The following SIPA1L2 variants were observed in gnomAD, a reference collection of about 807,000 sequenced individuals.
SIPA1L2 encodes the protein signal induced proliferation associated 1 like 2, also known as signal-induced proliferation-associated 1-like protein 2.
A neutral mutation model predicts 163.9 loss-of-function variants in SIPA1L2; 56 were observed. The observed-to-expected ratio is 0.34, with a 90% CI of 0.28 to 0.43. SIPA1L2 has a LOEUF of 0.43. Ranked by LOEUF, SIPA1L2 falls within the 20% of genes least tolerant of loss-of-function variation. The pLI, the probability that SIPA1L2 is intolerant of heterozygous loss-of-function variation, is 1.00. For missense variants in SIPA1L2, 1,974 were observed against 2,193.5 expected, an observed-to-expected ratio of 0.90 and a Z score of 2.00; for synonymous variants, 877 against 865.7, an observed-to-expected ratio of 1.01 and a Z score of -0.23.
chr1:232,595,323 T>G (rs1404993110), intron 1 of SIPA1L2, among the ~76,000 whole-genome samples: 1 of 151,492 alleles, frequency 6.6e-6, no homozygotes. Context: ...TTCACTCTAA[T>G]AAACTGGTTG....
intron 2 of SIPA1L2, among the ~76,000 whole-genome samples, chr1:232,517,801 G>A (rs974973071): frequency 3.3e-5 from 5 of 152,234 alleles, no homozygotes; most frequent in Non-Finnish European, 5.9e-5. Context: ...AGCACTTTGA[G>A]AAGCTGAGGC....
chr1:232,548,203 C>T (rs1183066733), intron 2 of SIPA1L2, among the ~76,000 whole-genome samples: 2 of 152,122 alleles, frequency 1.3e-5, no homozygotes, highest in Admixed American at 1.3e-4. Flanking sequence ...GAGGCAGAGC[C>T]CAAATCTCCA....
At chr1:232,611,957 G>T (rs1368540929) in intron 1 of SIPA1L2, among the ~76,000 whole-genome samples, 1 of 152,140 alleles carries the variant, frequency 6.6e-6, no homozygotes, top group Non-Finnish European at 1.5e-5. Context: ...GGTTTCATGG[G>T]CCAGGCCCAG....
Position 232,490,986 on chromosome 1 carries a change from G to C in SIPA1L2, c.1694C>G (p.Pro565Arg). Residue 565 changes from proline to arginine, a missense_variant, in exon 5 of 23, where the codon CCT (proline) becomes CGT (arginine). Physicochemically the swap from Pro to Arg is moderately radical, Grantham distance 103. Transcript: ENST00000674635. ...GACGTATTCCAAAACTTCTTTGAGA[G>C]GTAGTCCTCGTGCGGTACCATGCCT... Reference protein sequence around the residue: ...TARHGTARGLPLKEVLEYVIP... With the variant: ...TARHGTARGLRLKEVLEYVIP... 2.5e-6 allele frequency: 4 copies of C among 1,614,150 alleles called. No individual in the cohort carries two copies. The highest frequency in any genetic ancestry group is 3.4e-6 in the Non-Finnish European group (4 of 1,179,996).
intron 1 of SIPA1L2, among the ~76,000 whole-genome samples, chr1:232,627,619 C>T (rs1663150771): frequency 6.6e-6 from 1 of 152,078 alleles, no homozygotes; most frequent in Non-Finnish European, 1.5e-5. Flanking sequence ...TGATAATTCC[C>T]TTATTAGACT....
intron 8 of SIPA1L2, among the ~76,000 whole-genome samples, chr1:232,469,931 A>G (rs990704886): frequency 1.3e-5 from 2 of 151,898 alleles, no homozygotes; most frequent in Non-Finnish European, 2.9e-5. Flanking sequence ...TTTTTGTGCT[A>G]ATGAATTACC....
chr1:232,619,585 G>C (rs1313238549), intron 1 of SIPA1L2, among the ~76,000 whole-genome samples: 1 of 152,202 alleles, frequency 6.6e-6, no homozygotes, highest in African/African-American at 2.4e-5. Context: ...TAAATTCTAA[G>C]AGTCAGTTAA....
At chr1:232,561,814 TGCAGGA>T (rs1158522212) in intron 2 of SIPA1L2, among the ~76,000 whole-genome samples, 1 of 152,194 alleles carries the variant, frequency 6.6e-6, no homozygotes, top group African/African-American at 2.4e-5. Context: ...TGAGTCAAAA[TGCAGGA>T]GCAGGAGAGA....
At chr1:232,438,503 T>C (rs1362322856) in intron 15 of SIPA1L2, among the ~76,000 whole-genome samples, 3 of 152,012 alleles carry the variant, frequency 2.0e-5, no homozygotes, top group African/African-American at 7.2e-5. Context: ...CAAACAGGAG[T>C]TTAAAACCAC....
intron 10 of SIPA1L2, among the ~76,000 whole-genome samples, chr1:232,460,535 T>C (rs560222201): frequency 6.6e-6 from 1 of 152,326 alleles, no homozygotes; most frequent in Non-Finnish European, 1.5e-5. Flanking sequence ...TTTAATGTGC[T>C]CAAGGCTGAG....
chr1:232,489,678 A>G (rs1258187819), intron 5 of SIPA1L2, among the ~76,000 whole-genome samples: 1 of 152,232 alleles, frequency 6.6e-6, no homozygotes, highest in Non-Finnish European at 1.5e-5. Context: ...TAACCACAGT[A>G]TTATTTGGTC....
intron 17 of SIPA1L2, among the ~76,000 whole-genome samples, chr1:232,427,696 C>T (rs1661982159): frequency 1.3e-5 from 2 of 152,154 alleles, no homozygotes; most frequent in Admixed American, 6.5e-5. Context: ...GAAACTGAAG[C>T]CAATAAGCAA....
intron 2 of SIPA1L2, among the ~76,000 whole-genome samples, chr1:232,544,687 A>G (rs1299315137): frequency 6.6e-6 from 1 of 152,234 alleles, no homozygotes; most frequent in Non-Finnish European, 1.5e-5. Flanking sequence ...GGAAGAAAAT[A>G]ATACGAAGGT....
intron 7 of SIPA1L2, among the ~76,000 whole-genome samples, chr1:232,476,642 A>C (rs898094072): frequency 6.6e-6 from 1 of 152,190 alleles, no homozygotes; most frequent in Admixed American, 6.5e-5. Context: ...ACTTTTGAAG[A>C]GAGAAAATAA....
intron 3 of SIPA1L2, among the ~76,000 whole-genome samples, chr1:232,505,909 T>C (rs1195140616): frequency 6.6e-6 from 1 of 152,196 alleles, no homozygotes; most frequent in Admixed American, 6.5e-5. Context: ...TCCAACTCCC[T>C]ATTAATTTTC....
intron 2 of SIPA1L2, among the ~76,000 whole-genome samples, chr1:232,531,854 C>G (rs1656978220): frequency 6.6e-6 from 1 of 151,936 alleles, no homozygotes; most frequent in Admixed American, 6.6e-5. Flanking sequence ...ATCAGCCACA[C>G]AGATAGAAAG....
rs1663436811 is a variant in SIPA1L2, at chr1:232,449,529, A to AG, written c.3096-3744_3096-3743insC. On this transcript the variant is annotated intron_variant, in intron 10 of 22. Coordinates refer to ENST00000674635, the MANE Select transcript of SIPA1L2 (RefSeq NM_020808.5). ...CGAGACTCCGTCTCAAAAAAAAAAAAAAAAAAAATTAAGGAAACTGAAGTT... is the reference window on the plus strand; with the variant it reads ...CGAGACTCCGTCTCAAAAAAAAAAAAGAAAAAAAATTAAGGAAACTGAAGTT... Among the ~76,000 whole-genome samples, 11 of 152,032 alleles carry AG rather than the reference A, an allele frequency of 7.2e-5. 1 individual carries two copies. The South Asian group carries it at 2.3e-3, about 32-fold the overall frequency.
intron 2 of SIPA1L2, among the ~76,000 whole-genome samples, chr1:232,564,796 G>A (rs1659304615): frequency 6.6e-6 from 1 of 152,100 alleles, no homozygotes; most frequent in Admixed American, 6.5e-5. Context: ...GATGGGAGAA[G>A]TAATAAATAA....
chr1:232,625,476 G>GC (rs1456843063), intron 1 of SIPA1L2, among the ~76,000 whole-genome samples: 2 of 152,186 alleles, frequency 1.3e-5, no homozygotes, highest in African/African-American at 4.8e-5. Context: ...TGACATCAGC[G>GC]CAAGATGGAA....
Sources: gnomAD v4.1 joint callset for allele counts (sites outside exome capture counted in the v4.1 genomes callset) on GRCh38, gnomAD v4.1.1 for gene constraint, MANE v1.5 for transcripts, NCBI Gene and HGNC (gene_info 2026-07-23, HGNC 2026-07-21) for gene names.